The following TIAM1 variants were observed in gnomAD, a reference collection of about 807,000 sequenced individuals.
TIAM1 encodes TIAM Rac1 associated GEF 1.
A neutral mutation model predicts 163.5 loss-of-function variants in TIAM1; 65 were observed. The observed-to-expected ratio is 0.40, with a 90% CI of 0.33 to 0.49. The LOEUF (loss-of-function observed/expected upper bound fraction) is 0.49, where lower values mean the gene tolerates loss of function less well. Among genes scored for constraint, TIAM1 ranks in the 20% least tolerant of loss-of-function variants. The probability of loss-of-function intolerance (pLI) is 0.77; values close to 1 mark genes in which losing one functional copy is unlikely to be tolerated. For missense variants in TIAM1, 1,789 were observed against 2,044.7 expected (o/e 0.87, Z 2.41); for synonymous variants, 833 against 810.1 (o/e 1.03, Z -0.48).
intron 1 of TIAM1, among the ~76,000 whole-genome samples, chr21:31,473,429 C>CAAAAA (rs56691495): frequency 1.3e-5 from 1 of 75,680 alleles, no homozygotes; most frequent in Admixed American, 1.8e-4. Context: ...GACTCCATCT[C>CAAAAA]AAAAAAAAAA....
intron 1 of TIAM1, among the ~76,000 whole-genome samples, chr21:31,509,859 T>C (rs1863009561): frequency 6.6e-6 from 1 of 152,168 alleles, no homozygotes; most frequent in South Asian, 2.1e-4. Flanking sequence ...ACTTCAGGGA[T>C]GAGTCAGCCA....
At chr21:31,229,377 A>G (rs1294206582) in intron 6 of TIAM1, among the ~76,000 whole-genome samples, 1 of 152,134 alleles carries the variant, frequency 6.6e-6, no homozygotes, top group Non-Finnish European at 1.5e-5. Context: ...CTTCCAAGGT[A>G]TATTATCCTA....
chr21:31,361,581 T>C (rs1045838723), intron 2 of TIAM1, among the ~76,000 whole-genome samples: 1 of 152,196 alleles, frequency 6.6e-6, no homozygotes, highest in Non-Finnish European at 1.5e-5. Context: ...CCACATAAAC[T>C]ATCCTGTAGA....
rs191687834 is a variant in TIAM1, at chr21:31,480,836, C to G, written c.-421-16801G>C. Among the ~76,000 whole-genome samples the G allele has an allele frequency of 2.6e-5, 4 of 152,298 alleles. No homozygotes were observed. The East Asian group carries it at 7.7e-4, about 29-fold the overall frequency. On this transcript the variant is annotated intron_variant, in intron 1 of 28. Coordinates refer to the TIAM1 transcript ENST00000286827. ...TGGCACAATCTTGGCTTACTGCAAC[C>G]TCCGTCTCCCAGGTTCAGACAATTC...
At chr21:31,146,717 A>C (rs963967305) in intron 20 of TIAM1, among the ~76,000 whole-genome samples, 178 bp downstream of exon 20, 1 of 151,524 alleles carries the variant, frequency 6.6e-6, no homozygotes, top group African/African-American at 2.4e-5. Flanking sequence ...TCTCAAAAAA[A>C]AAAAAAATGA....
At chr21:31,157,320 A>C (rs2083670160) in intron 16 of TIAM1, among the ~76,000 whole-genome samples, 1 of 152,222 alleles carries the variant, frequency 6.6e-6, no homozygotes, top group Non-Finnish European at 1.5e-5. Context: ...CAAGCAATAA[A>C]TGTTTGCAAA....
intron 16 of TIAM1, among the ~76,000 whole-genome samples, chr21:31,155,707 T>C (rs1297550207): frequency 3.9e-5 from 6 of 151,902 alleles, no homozygotes; most frequent in Non-Finnish European, 5.9e-5. Flanking sequence ...GATTTCAACA[T>C]GTTGGCCAGG....
chr21:31,255,015 C>CA (rs1250496487), intron 4 of TIAM1, among the ~76,000 whole-genome samples: 3 of 152,124 alleles, frequency 2.0e-5, no homozygotes, highest in African/African-American at 7.3e-5. Flanking sequence ...AATGGACACT[C>CA]ACCTCTGTAT....
At chr21:31,465,086 G>A (rs12483036) in intron 1 of TIAM1, among the ~76,000 whole-genome samples, 11 of 151,226 alleles carry the variant, frequency 7.3e-5, no homozygotes, top group Admixed American at 3.9e-4. Context: ...TAGTCCCAGC[G>A]ACTAGGAAGG....
chr21:31,167,566 T>C (rs1184251732), intron 15 of TIAM1, among the ~76,000 whole-genome samples: 2 of 152,200 alleles, frequency 1.3e-5, no homozygotes, highest in Admixed American at 6.5e-5. Context: ...AGTGGGGTAG[T>C]GTCCATGCTA....
At chr21:31,376,080 T>C (rs976109932) in intron 2 of TIAM1, among the ~76,000 whole-genome samples, 2 of 152,064 alleles carry the variant, frequency 1.3e-5, no homozygotes, top group Non-Finnish European at 2.9e-5. Context: ...TTGTGTCAAA[T>C]TGCTATGTAT....
At chr21:31,126,730 C>T (rs143168423) in intron 26 of TIAM1, among the ~76,000 whole-genome samples, 2 of 151,756 alleles carry the variant, frequency 1.3e-5, no homozygotes, top group African/African-American at 2.4e-5. Flanking sequence ...ATTCTCATGG[C>T]GGAGGGAGAG....
At chr21:31,342,993 C>G (rs1451451511) in intron 1 of TIAM1, among the ~76,000 whole-genome samples, 1 of 152,154 alleles carries the variant, frequency 6.6e-6, no homozygotes, top group Admixed American at 6.5e-5. Context: ...CAGCTACTGA[C>G]ATTTTCCTGA....
At chr21:31,531,047 C>A (rs1333096161) in intron 1 of TIAM1, among the ~76,000 whole-genome samples, 1 of 152,118 alleles carries the variant, frequency 6.6e-6, no homozygotes, top group Non-Finnish European at 1.5e-5. Context: ...AGAATCTCAT[C>A]TCCCCAAGCC....
intron 2 of TIAM1, among the ~76,000 whole-genome samples, chr21:31,334,070 C>T (rs1383315924): frequency 6.6e-6 from 1 of 152,224 alleles, no homozygotes; most frequent in Non-Finnish European, 1.5e-5. Context: ...CCAATCAACG[C>T]TTATGGCTAT....
intron 8 of TIAM1, among the ~76,000 whole-genome samples, chr21:31,218,045 T>C (rs2087319294): frequency 6.6e-6 from 1 of 152,216 alleles, no homozygotes; most frequent in Admixed American, 6.5e-5. Context: ...CCAGGCTTTC[T>C]CTCCAAATGC....
chr21:31,374,465 C>T (rs1439043026), intron 2 of TIAM1, among the ~76,000 whole-genome samples: 2 of 152,214 alleles, frequency 1.3e-5, no homozygotes, highest in African/African-American at 4.8e-5. Context: ...GAACTCTCAG[C>T]AACTTCACAC....
rs201600996 is a variant in TIAM1 at position 31,163,870 on chromosome 21, C to CA, written c.2991+1091dup. On this transcript the variant is annotated intron_variant, in intron 16 of 27. Coordinates refer to ENST00000541036, the MANE Select transcript of TIAM1 (RefSeq NM_001353694.2). ...GGTTAAGTGACTAGTAAGCGTCAAG[C>CA]AAAAAAAAGAGAGATCGTAGAGAAA... Among the ~76,000 whole-genome samples the CA allele has an allele frequency of 3.9e-3, 593 of 150,482 alleles. 3 individuals are homozygous for CA. Among genetic ancestry groups the CA allele is most frequent in the African/African-American group, 0.014 (555 of 40,894 alleles).
intron 1 of TIAM1, among the ~76,000 whole-genome samples, chr21:31,493,019 G>T (rs905058577): frequency 2.0e-5 from 3 of 151,944 alleles, no homozygotes; most frequent in African/African-American, 7.2e-5. Context: ...TTGATGATGA[G>T]TATCTGTATG....
Sources: allele counts gnomAD v4.1 joint callset (sites outside exome capture counted in the v4.1 genomes callset), GRCh38; gene constraint gnomAD v4.1.1; transcripts MANE v1.5; gene names NCBI Gene and HGNC (gene_info 2026-07-23, HGNC 2026-07-21).